The following DNMT1 variants were observed in gnomAD, a reference collection of about 807,000 sequenced individuals.
DNMT1 encodes DNA (cytosine-5)-methyltransferase 1.
Under a neutral mutation model 205.3 loss-of-function variants are expected in DNMT1, and 24 were observed. The ratio of observed to expected loss-of-function variants is 0.12; its 90% CI spans 0.08 to 0.16. The LOEUF is 0.16. DNMT1 is among the 10% of genes least tolerant of loss of function. The pLI, the probability that DNMT1 is intolerant of heterozygous loss-of-function variation, is 1.00. For missense variants in DNMT1, 1,293 were observed against 2,177.7 expected, an observed-to-expected ratio of 0.59 and a Z score of 8.09; for synonymous variants, 817 against 839.8, an observed-to-expected ratio of 0.97 and a Z score of 0.47.
chr19:10,135,454 G>A (rs955064084), intron 39 of DNMT1: 7 of 485,018 alleles, frequency 1.4e-5, no homozygotes, highest in South Asian at 6.2e-5. Context: ...GTGAGCTGTC[G>A]CCACCATGGG....
At position 10,133,652 on chromosome 19, in the gene DNMT1, G is replaced by T; in HGVS notation, c.*15C>A. ...GATTCCTGGTGCCAGAAACAGGGGT[G>T]ACGGGAGGGCAGAACTAGTCCTTAG... On this transcript the variant is annotated 3_prime_UTR_variant, in exon 41 of 41. Transcript: ENST00000359526. The surrounding 1 kb of genome is among the most constrained non-coding windows in gnomAD (Gnocchi z 4.1). 6.3e-7 allele frequency: 1 copy of T among 1,597,744 alleles called. No individual in the cohort carries two copies. The highest frequency in any genetic ancestry group is 8.5e-7 in the Non-Finnish European group (1 of 1,171,310).
rs1430104351 is a variant in DNMT1 at position 10,160,080 on chromosome 19, A to T, written c.1044-17T>A. On this transcript the variant is annotated splice_polypyrimidine_tract_variant and intron_variant, in intron 14 of 40. Coordinates refer to ENST00000359526, the MANE Select transcript of DNMT1 (RefSeq NM_001130823.3). ...TTCTCCGTTCTGGGGGAAAAAAAAA[A>T]ATCACAAGATCGTTTGTTTAATTGT... 4.5e-5 allele frequency: 71 copies of T among 1,589,384 alleles called. No individual in the cohort carries two copies. The highest frequency in any genetic ancestry group is 5.8e-5 in the Non-Finnish European group (68 of 1,165,668).
intron 7 of DNMT1, among the ~76,000 whole-genome samples, 180 bp downstream of exon 7, chr19:10,175,360 G>A (rs1422749575): frequency 6.6e-6 from 1 of 152,030 alleles, no homozygotes; most frequent in Non-Finnish European, 1.5e-5. Context: ...ACGTGCATAT[G>A]TATATATGTA....
In DNMT1 at chr19:10,166,457, T is replaced by C. The variant is rs567821394; in HGVS notation, c.891+141A>G. On this transcript the variant is annotated intron_variant, in intron 11 of 40. Transcript: ENST00000359526. Reference sequence around the variant, plus strand: ...CCCCCAAAAGGAGGAAAAGGTGACCTTCCCAGAGTCTGGATGGCCCCATGG... The same window carrying C: ...CCCCCAAAAGGAGGAAAAGGTGACCCTCCCAGAGTCTGGATGGCCCCATGG... The C allele has an allele frequency of 2.0e-4, 201 of 1,001,570 alleles. 3 individuals carry two copies. The highest frequency in any genetic ancestry group is 1.1e-3 in the South Asian group (80 of 73,936). 62.0% of individuals were successfully genotyped at this position (1,001,570 alleles called of 1,614,324 possible).
chr19:10,160,217 A>G, intron 14 of DNMT1, 154 bp from the exon 15 acceptor site: 1 of 1,509,034 alleles, frequency 6.6e-7, no homozygotes, highest in Admixed American at 1.9e-5. Flanking sequence ...GTGGCTCTTC[A>G]CCGCAGGGGC....
In DNMT1 at chr19:10,193,974, C is replaced by T. The variant is rs2039352243; in HGVS notation, c.80+846G>A. ...CACGGAAGTTGGACAGAGGCATGAA[C>T]TGCTAAAGCCAGGGCCTCCAACATT... On this transcript the variant is annotated intron_variant, in intron 1 of 40. Transcript: ENST00000359526. Among the ~76,000 whole-genome samples the T allele has an allele frequency of 2.0e-5, 3 of 152,160 alleles. No homozygotes were observed. The South Asian group carries it at 6.2e-4, about 32-fold the overall frequency.
Position 10,138,291 on chromosome 19 carries a change from G to A in DNMT1, c.4115+148C>T, listed in dbSNP as rs2089532508. 7.8e-7 allele frequency: 1 copy of A among 1,279,700 alleles called. No individual in the cohort carries two copies. The highest frequency in any genetic ancestry group is 1.1e-6 in the Non-Finnish European group (1 of 911,882). 79.3% of individuals were successfully genotyped at this position (1,279,700 alleles called of 1,614,324 possible). ...GGGTCAGAACTGGAGACCACAGGTGGCAGAGTGCCATGTGGCAGAGCACCG... is the reference window on the plus strand; with the variant it reads ...GGGTCAGAACTGGAGACCACAGGTGACAGAGTGCCATGTGGCAGAGCACCG... On this transcript the variant is annotated intron_variant, in intron 35 of 40. Coordinates refer to ENST00000359526, the MANE Select transcript of DNMT1 (RefSeq NM_001130823.3). This position sits in a 1 kb window ranked among gnomAD's most constrained non-coding sequence, Gnocchi z 4.1.
chr19:10,133,722 A>C lies in DNMT1; in HGVS notation c.4865-21T>G. ...TTTAGCTGAAGGGAAATAAAAGGAA[A>C]AGTCACTCTGGGGAACACGCCCGGT... On this transcript the variant is annotated intron_variant, in intron 40 of 40. Transcript: ENST00000359526. This position sits in a 1 kb window ranked among gnomAD's most constrained non-coding sequence, Gnocchi z 4.1. 3 of 1,580,890 alleles carry C rather than the reference A, an allele frequency of 1.9e-6. No individual in the cohort carries two copies. Among genetic ancestry groups the C allele is most frequent in the Non-Finnish European group, 2.6e-6 (3 of 1,162,192 alleles).
Position 10,149,840 on chromosome 19 carries a change from G to GA in DNMT1, c.2381+12dup. ...AGTGCATGCAGAAGTCAAGCAAAAA[G>GA]AAAGATGCAAACCTTGCTAGATACA... is the stretch of plus-strand genomic sequence containing the variant. On this transcript the variant is annotated intron_variant, in intron 25 of 40. Coordinates refer to ENST00000359526, the MANE Select transcript of DNMT1 (RefSeq NM_001130823.3). 1 of 1,613,998 alleles carries GA rather than the reference G, an allele frequency of 6.2e-7. No individual in the cohort carries two copies. Among genetic ancestry groups the GA allele is most frequent in the Non-Finnish European group, 8.5e-7 (1 of 1,179,842 alleles).
At position 10,138,013 on chromosome 19, in the gene DNMT1, C is replaced by A. The variant is rs1446472077; in HGVS notation, c.4116-4G>T. On this transcript the variant is annotated splice_polypyrimidine_tract_variant and splice_region_variant and intron_variant, in intron 35 of 40. Coordinates refer to ENST00000359526, the MANE Select transcript of DNMT1 (RefSeq NM_001130823.3). This position sits in a 1 kb window ranked among gnomAD's most constrained non-coding sequence, Gnocchi z 4.1. ...CCGGAAAGGACCCGAGCTCAACCTG[C>A]AACAGAGGAGGAGGTCAACACCTCT... The A allele has an allele frequency of 6.2e-7, 1 of 1,609,278 alleles. No individual in the cohort carries two copies. The highest frequency in any genetic ancestry group is 8.5e-7 in the Non-Finnish European group (1 of 1,178,186).
At chr19:10,152,954 G>GC (rs1555691137) in intron 22 of DNMT1, among the ~76,000 whole-genome samples, 1 of 143,030 alleles carries the variant, frequency 7.0e-6, no homozygotes, top group Non-Finnish European at 1.5e-5. Context: ...AAAAAAAAAA[G>GC]CAATATTCAA....
intron 22 of DNMT1, among the ~76,000 whole-genome samples, chr19:10,152,164 A>AG (rs2038358356): frequency 7.2e-6 from 1 of 138,180 alleles, no homozygotes; most frequent in Non-Finnish European, 1.6e-5. Context: ...CCATCTCAAA[A>AG]AAAAAAAAAA....
At chr19:10,160,230 C>A in intron 14 of DNMT1, 154 bp downstream of exon 14, 3 of 1,508,568 alleles carry the variant, frequency 2.0e-6, no homozygotes, top group Non-Finnish European at 2.7e-6. Flanking sequence ...GCAGGGGCAT[C>A]CTGCCTGACG....
intron 1 of DNMT1, among the ~76,000 whole-genome samples, chr19:10,193,212 C>T (rs892509607): frequency 1.3e-5 from 2 of 151,938 alleles, no homozygotes; most frequent in Non-Finnish European, 2.9e-5. Context: ...CTAAGAAAGT[C>T]ATCTGGGCAT....
chr19:10,150,565 C>T (rs901164555), intron 24 of DNMT1, among the ~76,000 whole-genome samples: 10 of 152,246 alleles, frequency 6.6e-5, no homozygotes, highest in African/African-American at 1.9e-4. Flanking sequence ...GGCTCAGCCA[C>T]GGCCCAGGCA....
chr19:10,153,921 G>A (rs1055935382), intron 22 of DNMT1, among the ~76,000 whole-genome samples: 4 of 152,170 alleles, frequency 2.6e-5, no homozygotes, highest in Admixed American at 2.0e-4. Context: ...CACAGAAAGG[G>A]ACGCCTCCTG....
chr19:10,162,523 G>A (rs1568240282), intron 13 of DNMT1, 144 bp downstream of exon 13: 5 of 802,852 alleles, frequency 6.2e-6, no homozygotes. Context: ...ACCCGCTTCA[G>A]CCTCTCAAAG....
chr19:10,153,227 C>T (rs1025776151), intron 22 of DNMT1, among the ~76,000 whole-genome samples: 1 of 152,064 alleles, frequency 6.6e-6, no homozygotes, highest in Non-Finnish European at 1.5e-5. Flanking sequence ...TGAAGAGGTG[C>T]CTATCATTGA....
chr19:10,137,562 A>T lies in DNMT1; in HGVS notation c.4293+270T>A, dbSNP rs2089513322. 1.6e-6 allele frequency: 1 copy of T among 641,864 alleles called. No homozygotes were observed. The highest frequency in any genetic ancestry group is 2.8e-5 in the Admixed American group (1 of 35,922). 39.8% of individuals were successfully genotyped at this position (641,864 alleles called of 1,614,324 possible). On this transcript the variant is annotated intron_variant, in intron 36 of 40. Transcript: ENST00000359526. The surrounding 1 kb of genome is among the most constrained non-coding windows in gnomAD (Gnocchi z 6.4). ...AAAGGGCTGGTCTTGGCATCCTGGG[A>T]AAACATGCGGGGAGAGGCAGCAAGG...
Sources: allele counts gnomAD v4.1 joint callset (sites outside exome capture counted in the v4.1 genomes callset), GRCh38; gene constraint gnomAD v4.1.1; non-coding constraint Gnocchi (gnomAD v3.1); transcripts MANE v1.5; gene names NCBI Gene and HGNC (gene_info 2026-07-23, HGNC 2026-07-21).